Variants in MDM1 observed in about 807,000 individuals in gnomAD.
MDM1 encodes the protein Mdm1 nuclear protein.
Under a neutral mutation model 89.1 loss-of-function variants are expected in MDM1, and 61 were observed. The ratio of observed to expected loss-of-function variants is 0.68; its 90% confidence interval spans 0.56 to 0.85. The LOEUF is 0.85. Ranked by LOEUF, MDM1 falls within the 40% of genes least tolerant of loss-of-function variation. The pLI is 0.00. For missense variants in MDM1, 820 were observed against 846.5 expected, an observed-to-expected ratio of 0.97 and a Z score of 0.39; for synonymous variants, 290 against 294.1, an observed-to-expected ratio of 0.99 and a Z score of 0.14.
chr12:68,331,046 G>A (rs1000448538), intron 2 of MDM1, 61 bp downstream of exon 2: 7 of 951,658 alleles, frequency 7.4e-6, no homozygotes, highest in Admixed American at 7.3e-5. Context: ...AAGTTATAAC[G>A]GCTTGGCCCA....
Position 68,295,322 on chromosome 12 carries a change from T to C in MDM1, c.2107A>G (p.Ser703Gly), listed in dbSNP as rs781611290. 5 of 1,613,414 alleles carry C rather than the reference T, an allele frequency of 3.1e-6. No homozygotes were observed. The highest frequency in any genetic ancestry group is 2.7e-5 in the African/African-American group (2 of 75,018). Reference protein sequence around the residue: ...SEISARSAASSLRAFQTLARA... With the variant: ...SEISARSAASGLRAFQTLARA... The stretch of plus-strand genomic sequence containing the variant: ...GCCAGAGTTTGAAAAGCCCGGAGAC[T>C]AGAAGCTGCAGAGCGAGCAGAAATC... The change falls in exon 15 of 15, where the codon AGT (serine) becomes GGT (glycine). Residue 703 changes from serine (S) to glycine (G), a missense_variant. Physicochemically the swap from Ser to Gly is moderately conservative, Grantham distance 56 (BLOSUM62 0). Transcript: ENST00000682720.
chr12:68,321,262 A>G, intron 7 of MDM1, 85 bp downstream of exon 7: 1 of 990,712 alleles, frequency 1.0e-6, no homozygotes, highest in Non-Finnish European at 1.5e-6. Context: ...TGTGGTCTCT[A>G]TTACCAAAAG....
At chr12:68,329,327 GT>G (rs1030970748) in intron 2 of MDM1, among the ~76,000 whole-genome samples, 1 of 152,164 alleles carries the variant, frequency 6.6e-6, no homozygotes, top group African/African-American at 2.4e-5. Context: ...TCTTCCCTTT[GT>G]TCTCTAGACC....
intron 13 of MDM1, among the ~76,000 whole-genome samples, chr12:68,298,086 C>T (rs1305191278): frequency 1.3e-5 from 2 of 152,170 alleles, no homozygotes; most frequent in Non-Finnish European, 2.9e-5. Flanking sequence ...ACTACTGCAG[C>T]TGGTGCTCTT....
Position 68,321,366 on chromosome 12 carries a change from T to C in MDM1, c.986A>G (p.Lys329Arg). 1 of 1,613,684 alleles carries C rather than the reference T, an allele frequency of 6.2e-7. No individual in the cohort carries two copies. Among genetic ancestry groups the C allele is most frequent in the Non-Finnish European group, 8.5e-7 (1 of 1,179,802 alleles). Residue 329 changes from lysine to arginine, a missense_variant, in exon 7 of 15, where the codon AAG (lysine) becomes AGG (arginine). Transcript: ENST00000682720. ...ACTCACCTGATTTGGCATGTTTCCC[T>C]TTACATGTGTCCAAGCCCCAGCTTT... is the stretch of plus-strand genomic sequence containing the variant. ...LYKAGAWTHV[K>R]GNMPNQGSLN... is the part of the protein sequence containing the mutation.
chr12:68,315,727 T>A (rs547596399), intron 9 of MDM1, among the ~76,000 whole-genome samples: 1 of 152,368 alleles, frequency 6.6e-6, no homozygotes, highest in South Asian at 2.1e-4. Flanking sequence ...GAATAATAGC[T>A]ATGTATTAAT....
At chr12:68,323,346 A>C in intron 4 of MDM1, 106 bp from the exon 5 acceptor site, 1 of 751,840 alleles carries the variant, frequency 1.3e-6, no homozygotes, top group Non-Finnish European at 2.1e-6. Context: ...ACAAAAAAAT[A>C]GCAAAGTTAT....
intron 13 of MDM1, among the ~76,000 whole-genome samples, chr12:68,297,762 A>G (rs895869312): frequency 3.9e-5 from 6 of 152,226 alleles, no homozygotes; most frequent in Non-Finnish European, 5.9e-5. Context: ...CAGAGGCATT[A>G]TATGTATCAT....
chr12:68,308,863 A>G (rs1287338851), intron 12 of MDM1, among the ~76,000 whole-genome samples: 1 of 152,196 alleles, frequency 6.6e-6, no homozygotes, highest in East Asian at 1.9e-4. Context: ...CCAGAAACTT[A>G]GCAGGCATCC....
rs1874319717 is a variant in MDM1, at chr12:68,315,228, A to C, written c.1249T>G (p.Ser417Ala). ...TSHKTLQKCP[S>A]TEPEEKGNIV... The stretch of plus-strand genomic sequence containing the variant: ...TTTCCTTTTTCTTCTGGTTCTGTAG[A>C]AGGACATTTCTGCAAAGTCTTATGG... The change falls in exon 10 of 15, where the codon TCT (serine) becomes GCT (alanine). Residue 417 changes from serine to alanine, a missense_variant. Transcript: ENST00000682720. The C allele has an allele frequency of 6.2e-7, 1 of 1,614,152 alleles. No homozygotes were observed. Among genetic ancestry groups the C allele is most frequent in the Non-Finnish European group, 8.5e-7 (1 of 1,180,022 alleles).
intron 12 of MDM1, among the ~76,000 whole-genome samples, chr12:68,304,308 A>G (rs1872596204): frequency 6.6e-6 from 1 of 152,192 alleles, no homozygotes. Flanking sequence ...AAAATCAAAT[A>G]CAGTTCCAAA....
At chr12:68,332,056 T>C in intron 1 of MDM1, 172 bp downstream of exon 1, 1 of 810,372 alleles carries the variant, frequency 1.2e-6, no homozygotes, top group Non-Finnish European at 2.1e-6. Flanking sequence ...GAGAGGGAAC[T>C]AGGTTAAGAG....
chr12:68,324,983 G>A (rs1038174919), intron 4 of MDM1: 1 of 973,954 alleles, frequency 1.0e-6, no homozygotes, highest in Non-Finnish European at 1.2e-6. Flanking sequence ...TCTGATACAA[G>A]GACAAAATTA....
intron 7 of MDM1, among the ~76,000 whole-genome samples, chr12:68,318,341 G>A (rs968938626): frequency 3.0e-4 from 46 of 152,070 alleles, no homozygotes; most frequent in African/African-American, 1.1e-3. Flanking sequence ...ATGAAAGGAT[G>A]GATGAATACC....
rs1874038369 is a variant in MDM1, at chr12:68,313,720, GCCT to G, written c.1560_1562del (p.Gly521del). ...CTCTCAGCTTGGGAGTAGGAAGCCG[GCCT>G]CCTTTTTCTGAGGATACAGAAGAAT... On this transcript the variant is annotated inframe_deletion, in exon 11 of 15. Transcript: ENST00000682720. The G allele has an allele frequency of 6.2e-7, 1 of 1,614,076 alleles. No homozygotes were observed. The highest frequency in any genetic ancestry group is 2.2e-5 in the East Asian group (1 of 44,886).
chr12:68,302,700 G>T lies in MDM1; in HGVS notation c.1922C>A (p.Ser641Tyr). The T allele has an allele frequency of 6.2e-7, 1 of 1,614,002 alleles. No individual in the cohort carries two copies. Among genetic ancestry groups the T allele is most frequent in the Non-Finnish European group, 8.5e-7 (1 of 1,179,948 alleles). The change falls in exon 13 of 15, where the codon TCT (serine) becomes TAT (tyrosine). Residue 641 changes from serine to tyrosine, a missense_variant. By Grantham distance (144) the Ser-to-Tyr change is moderately radical. Coordinates refer to ENST00000682720, the MANE Select transcript of MDM1 (RefSeq NM_001354969.2). Reference sequence around the variant, plus strand: ...CCAGTAGGATGGAACATGTGGTGGAGAAGGCAACTGTCCAGGGGGATTTGT... The same window carrying T: ...CCAGTAGGATGGAACATGTGGTGGATAAGGCAACTGTCCAGGGGGATTTGT... ...YPTNPPGQLPSPPHVPSYWHP... is the reference protein window; with the variant it reads ...YPTNPPGQLPYPPHVPSYWHP...
chr12:68,313,655 G>A lies in MDM1; in HGVS notation c.1628C>T (p.Thr543Ile), dbSNP rs1211373493. 4.3e-6 allele frequency: 7 copies of A among 1,613,836 alleles called. No individual in the cohort carries two copies. The highest frequency in any genetic ancestry group is 2.7e-5 in the African/African-American group (2 of 75,048). The change falls in exon 11 of 15, where the codon ACT (threonine) becomes ATT (isoleucine). Residue 543 changes from threonine to isoleucine, a missense_variant. Thr to Ile is a moderately conservative substitution (Grantham distance 89, BLOSUM62 -1). Coordinates refer to ENST00000682720, the MANE Select transcript of MDM1 (RefSeq NM_001354969.2). ...TGTTTGCCGATTACCAACAGCTGGA[G>A]TAGTGAGATCATGATGAGTCCTCTG... is the stretch of plus-strand genomic sequence containing the variant. ...GIQRTHHDLTTPAVGGAVLVS... is the reference protein window; with the variant it reads ...GIQRTHHDLTIPAVGGAVLVS...
At chr12:68,296,237 C>G (rs577517102) in intron 14 of MDM1, among the ~76,000 whole-genome samples, 1 of 152,320 alleles carries the variant, frequency 6.6e-6, no homozygotes, top group African/African-American at 2.4e-5. Flanking sequence ...TGGTGGCTCA[C>G]GCCTGTAATC....
At chr12:68,297,741 T>G (rs1871600666) in intron 13 of MDM1, among the ~76,000 whole-genome samples, 1 of 152,174 alleles carries the variant, frequency 6.6e-6, no homozygotes, top group Non-Finnish European at 1.5e-5. Context: ...GCAGGGGTAA[T>G]GTATTCAAAA....
Sources: gnomAD v4.1 joint callset for allele counts (sites outside exome capture counted in the v4.1 genomes callset) on GRCh38, gnomAD v4.1.1 for gene constraint, MANE v1.5 for transcripts, NCBI Gene and HGNC (gene_info 2026-07-23, HGNC 2026-07-21) for gene names.